The following TRIM58 variants were observed in gnomAD, a reference collection of about 807,000 sequenced individuals.
TRIM58 encodes the protein tripartite motif containing 58.
In TRIM58, 38 loss-of-function variants were observed where a neutral mutation model predicts 34.1. That is an observed-to-expected ratio of 1.12 (90% confidence interval 0.86 to 1.46). TRIM58 has a LOEUF of 1.46. Among genes scored for constraint, TRIM58 ranks in the 40% most tolerant of loss-of-function variants. TRIM58 has a pLI of 0.00. For missense variants in TRIM58, 677 were observed against 642.0 expected (o/e 1.05, Z -0.59); for synonymous variants, 273 against 275.7 (o/e 0.99, Z 0.10).
At chr1:247,871,134 T>TA (rs1215759466) in intron 5 of TRIM58, among the ~76,000 whole-genome samples, 1 of 152,224 alleles carries the variant, frequency 6.6e-6, no homozygotes, top group Non-Finnish European at 1.5e-5. Context: ...TATTAGCTGA[T>TA]ATGAGTAACG....
chr1:247,864,962 C>A, intron 3 of TRIM58, 27 bp downstream of exon 3: 1 of 1,534,464 alleles, frequency 6.5e-7, no homozygotes. Context: ...GAAAAGCAGG[C>A]AGATGTGAGA....
In TRIM58 at chr1:247,876,149, C is replaced by T. The variant is rs3811444; in HGVS notation, c.1121C>T (p.Thr374Met). The T allele has an allele frequency of 0.32, 517,544 of 1,613,926 alleles. 86,681 individuals are homozygous for T. The highest frequency in any genetic ancestry group is 0.34 in the South Asian group (31,314 of 91,066). Reference protein sequence around the residue: ...QDTLPRKGETTPSPENGVWAL... With the variant: ...QDTLPRKGETMPSPENGVWAL... ...ACACTGCCAAGAAAGGGGGAAACCA[C>T]GCCATCTCCTGAGAATGGGGTCTGG... Residue 374 changes from threonine to methionine, a missense_variant, in exon 6 of 6, where the codon ACG becomes ATG. Transcript: ENST00000366481.
chr1:247,868,059 C>T lies in TRIM58; in HGVS notation c.867C>T (p.Phe289=), dbSNP rs766750346. ...GGAGGAGGGAGCTCTTAAGGAAGTT[C>T]CAAGGTAGTTGCATCTTAGAGACTG... ...IPGRRELLRK[F]QVDVKLDPAT... is the part of the protein sequence containing the mutation. Residue 289 remains phenylalanine, a synonymous_variant, in exon 5 of 6, where the codon TTC becomes TTT. Coordinates refer to ENST00000366481, the MANE Select transcript of TRIM58 (RefSeq NM_015431.4). 1.9e-6 allele frequency: 3 copies of T among 1,603,378 alleles called. No individual in the cohort carries two copies. The highest frequency in any genetic ancestry group is 2.6e-6 in the Non-Finnish European group (3 of 1,175,550).
Position 247,876,695 on chromosome 1 carries a change from G to T in TRIM58, c.*206G>T. ...AGAGCATAATAATTTTGTAAATGGA[G>T]CAATCTCAACCTCTATTTCTAGATC... On this transcript the variant is annotated 3_prime_UTR_variant, in exon 6 of 6. Transcript: ENST00000366481. 1.8e-6 allele frequency: 1 copy of T among 550,816 alleles called. No homozygotes were observed. The highest frequency in any genetic ancestry group is 3.2e-6 in the Non-Finnish European group (1 of 314,008). The allele number at this position is 550,816 out of a possible 1,614,324, so 34.1% of individuals were successfully genotyped here.
intron 5 of TRIM58, among the ~76,000 whole-genome samples, chr1:247,869,644 A>T (rs1166623583): frequency 6.6e-6 from 1 of 152,214 alleles, no homozygotes; most frequent in African/African-American, 2.4e-5. Flanking sequence ...ATGGTGACTC[A>T]TGCACTCCTC....
Position 247,857,499 on chromosome 1 carries a change from C to T in TRIM58, c.253C>T (p.Leu85=). The T allele has an allele frequency of 1.5e-6, 2 of 1,302,476 alleles. No homozygotes were observed. Among genetic ancestry groups the T allele is most frequent in the South Asian group, 5.0e-5 (2 of 39,708 alleles). The allele number at this position is 1,302,476 out of a possible 1,614,324, so 80.7% of individuals were successfully genotyped here. A position where few individuals can be genotyped will look rare whatever the true frequency, so the allele number is the denominator to read the frequency against. Residue 85 remains leucine (L), a synonymous_variant, in exon 1 of 6, where the codon CTG becomes TTG. Transcript: ENST00000366481. ...LAGLVESVRR[L]GLGAGPGARR... is the part of the protein sequence containing the mutation. ...GGGCCTGGTGGAGAGCGTGCGGCGG[C>T]TGGGGTTGGGCGCGGGGCCCGGGGC...
chr1:247,860,663 A>G lies in TRIM58; in HGVS notation c.467A>G (p.Asp156Gly), dbSNP rs1019852829. Residue 156 changes from aspartate (D) to glycine (G), a missense_variant, in exon 2 of 6, where the codon GAC becomes GGC. By Grantham distance (94) the Asp-to-Gly change is moderately conservative. Transcript: ENST00000366481. ...ALELMRKELE[D>G]ALTQEANVGK... ...GAACTTATGAGGAAAGAGTTGGAGG[A>G]CGCCTTGACTCAGGAGGCCAACGTG... 6.2e-7 allele frequency: 1 copy of G among 1,613,848 alleles called. No individual in the cohort carries two copies. Among genetic ancestry groups the G allele is most frequent in the Non-Finnish European group, 8.5e-7 (1 of 1,179,920 alleles).
intron 3 of TRIM58, 141 bp from the exon 4 acceptor site, chr1:247,867,704 A>G (rs1323938325): frequency 9.9e-7 from 1 of 1,009,578 alleles, no homozygotes; most frequent in Non-Finnish European, 1.5e-6. Context: ...AAAAAAATAG[A>G]AAAGAGATTT....
At chr1:247,860,554 A>T (rs1663762972) in intron 1 of TRIM58, 63 bp from the exon 2 acceptor site, 1 of 1,156,176 alleles carries the variant, frequency 8.6e-7, no homozygotes, top group Admixed American at 2.0e-5. Flanking sequence ...ATTTCCTCAC[A>T]CATCTGTGTG....
chr1:247,857,628 C>T lies in TRIM58; in HGVS notation c.382C>T (p.Arg128Cys). ...CDAGPEHRTH[R>C]TAPLQEAAGS... ...CGCCGGCCCCGAGCACAGGACGCAC[C>T]GCACGGCGCCGCTGCAGGAGGCCGC... The change falls in exon 1 of 6, where the codon CGC (arginine) becomes TGC (cysteine). Residue 128 changes from arginine to cysteine, a missense_variant. Arg to Cys is a radical substitution (Grantham distance 180). Transcript: ENST00000366481. 1 of 1,241,500 alleles carries T rather than the reference C, an allele frequency of 8.1e-7. No individual in the cohort carries two copies. Among genetic ancestry groups the T allele is most frequent in the African/African-American group, 1.6e-5 (1 of 64,126 alleles). The allele number at this position is 1,241,500 out of a possible 1,614,324, so 76.9% of individuals were successfully genotyped here. A position where few individuals can be genotyped will look rare whatever the true frequency, so the allele number is the denominator to read the frequency against.
At chr1:247,863,211 C>G (rs1453551417) in intron 2 of TRIM58, among the ~76,000 whole-genome samples, 1 of 152,142 alleles carries the variant, frequency 6.6e-6, no homozygotes, top group Non-Finnish European at 1.5e-5. Flanking sequence ...ATAGCTCATG[C>G]CTTTTAGTCA....
intron 5 of TRIM58, among the ~76,000 whole-genome samples, chr1:247,870,417 G>A (rs75437816): frequency 6.0e-5 from 5 of 83,990 alleles, no homozygotes; most frequent in Admixed American, 1.2e-4. Context: ...GCACCACCAC[G>A]CCCAGAAGAA....
At chr1:247,869,315 G>T (rs74787361) in intron 5 of TRIM58, among the ~76,000 whole-genome samples, 2 of 152,186 alleles carry the variant, frequency 1.3e-5, no homozygotes, top group Non-Finnish European at 2.9e-5. Flanking sequence ...TCAGAGGTGG[G>T]GGGGGGTGAG....
chr1:247,857,216 G>C lies in TRIM58; in HGVS notation c.-31G>C. The stretch of plus-strand genomic sequence containing the variant: ...ACCGCGAGGGGAGACGGTGCGGGCG[G>C]CCGGGAGCGCAGCCCTCCGGGAGGC... On this transcript the variant is annotated 5_prime_UTR_variant, in exon 1 of 6. Coordinates refer to ENST00000366481, the MANE Select transcript of TRIM58 (RefSeq NM_015431.4). The C allele has an allele frequency of 1.5e-6, 2 of 1,307,120 alleles. No homozygotes were observed. The highest frequency in any genetic ancestry group is 2.0e-6 in the Non-Finnish European group (2 of 1,022,590). The allele number at this position is 1,307,120 out of a possible 1,614,324, so 81.0% of individuals were successfully genotyped here. A position where few individuals can be genotyped will look rare whatever the true frequency, so the allele number is the denominator to read the frequency against.
At chr1:247,859,952 T>C (rs878887611) in intron 1 of TRIM58, among the ~76,000 whole-genome samples, 1 of 152,168 alleles carries the variant, frequency 6.6e-6, no homozygotes, top group Non-Finnish European at 1.5e-5. Flanking sequence ...CACATTTTTT[T>C]TCAAAATTCA....
In TRIM58 at chr1:247,864,712, T is replaced by C; in HGVS notation, c.524T>C (p.Val175Ala). The C allele has an allele frequency of 6.2e-7, 1 of 1,613,796 alleles. No homozygotes were observed. The highest frequency in any genetic ancestry group is 8.5e-7 in the Non-Finnish European group (1 of 1,179,940). ...GKKTVIWKEK[V>A]EMQRQRFRLE... ...TCCACGGTGTCACCTCAGGAGAAAG[T>C]GGAAATGCAGAGGCAGCGCTTCAGA... Residue 175 changes from valine to alanine, a missense_variant, in exon 3 of 6, where the codon GTG becomes GCG. Transcript: ENST00000366481.
At position 247,876,459 on chromosome 1, in the gene TRIM58, T is replaced by A. The variant is rs770753157; in HGVS notation, c.1431T>A (p.Pro477=). 3.1e-6 allele frequency: 5 copies of A among 1,613,994 alleles called. No homozygotes were observed. The South Asian group carries it at 4.4e-5, about 14-fold the overall frequency. ...GGGCATCCAGGGATCATTTAGATCC[T>A]GCTTCTGATGTAAGAGATGATCATC... The part of the protein sequence containing the change: ...GNWASRDHLD[P]ASDVRDDHL The change falls in exon 6 of 6, where the codon CCT becomes CCA. Residue 477 remains proline (P), a synonymous_variant. Transcript: ENST00000366481.
intron 5 of TRIM58, among the ~76,000 whole-genome samples, chr1:247,874,821 G>C (rs1052370300): frequency 6.6e-6 from 1 of 152,152 alleles, no homozygotes; most frequent in African/African-American, 2.4e-5. Context: ...TGTTGGCCAG[G>C]CCAGGCCAGG....
rs1035638487 is a variant in TRIM58 at position 247,858,284 on chromosome 1, T to A, written c.420+618T>A. Among the ~76,000 whole-genome samples, 6 of 152,242 alleles carry A rather than the reference T, an allele frequency of 3.9e-5. No individual in the cohort carries two copies. In the South Asian group the frequency reaches 1.2e-3, roughly 32 times the overall value. On this transcript the variant is annotated intron_variant, in intron 1 of 5. Transcript: ENST00000366481. The stretch of plus-strand genomic sequence containing the variant: ...ATCCTCAATGAAGAGGTGCTTCATT[T>A]GGGGTGTAGCCCGGGAAGCTTCAAA...
Sources: gnomAD v4.1 joint callset for allele counts (sites outside exome capture counted in the v4.1 genomes callset) on GRCh38, gnomAD v4.1.1 for gene constraint, MANE v1.5 for transcripts, NCBI Gene and HGNC (gene_info 2026-07-23, HGNC 2026-07-21) for gene names.